ARSB: variants seen among roughly 807,000 people sequenced by gnomAD.
ARSB encodes arylsulfatase B.
A neutral mutation model predicts 50.9 loss-of-function variants in ARSB; 41 were observed. The observed-to-expected ratio is 0.81, with a 90% CI of 0.63 to 1.04. The LOEUF (loss-of-function observed/expected upper bound fraction) is 1.04, where lower values mean the gene tolerates loss of function less well. Among genes scored for constraint, ARSB ranks in the 50% least tolerant of loss-of-function variants. The pLI, the probability that ARSB is intolerant of heterozygous loss-of-function variation, is 0.00. For missense variants in ARSB, 672 were observed against 693.3 expected (o/e 0.97, Z 0.35); for synonymous variants, 269 against 284.8 (o/e 0.94, Z 0.56).
chr5:78,839,464 C>T (rs1273658457), intron 5 of ARSB, 38 bp from the exon 6 acceptor site: 1 of 1,520,584 alleles, frequency 6.6e-7, no homozygotes, highest in Non-Finnish European at 9.1e-7. Flanking sequence ...AATTTCCTCT[C>T]TCTAATGGGC....
intron 2 of ARSB, among the ~76,000 whole-genome samples, chr5:78,965,564 C>T (rs868090503): frequency 6.6e-6 from 1 of 152,190 alleles, no homozygotes; most frequent in African/African-American, 2.4e-5. Flanking sequence ...AGTGGCACAA[C>T]CTTCTGAATT....
chr5:78,879,242 T>C (rs899707551), intron 5 of ARSB, among the ~76,000 whole-genome samples: 10 of 152,232 alleles, frequency 6.6e-5, no homozygotes, highest in African/African-American at 2.4e-4. Context: ...TTTTTGTCAA[T>C]CAACCTTATG....
chr5:78,949,747 T>G lies in ARSB; in HGVS notation c.898+5548A>C, dbSNP rs1751418706. On this transcript the variant is annotated intron_variant, in intron 4 of 7. Transcript: ENST00000264914. Reference sequence around the variant, plus strand: ...CAACATGGCGAAACCTTGTCTCTCCTAAAAATACAAAAATTAGCCAGGCAT... The same window carrying G: ...CAACATGGCGAAACCTTGTCTCTCCGAAAAATACAAAAATTAGCCAGGCAT... Among the ~76,000 whole-genome samples the G allele has an allele frequency of 2.0e-5, 3 of 152,168 alleles. No homozygotes were observed. In the South Asian group the frequency reaches 6.2e-4, roughly 32 times the overall value.
intron 6 of ARSB, among the ~76,000 whole-genome samples, chr5:78,814,359 C>G (rs1743916483): frequency 6.6e-6 from 1 of 150,932 alleles, no homozygotes; most frequent in African/African-American, 2.5e-5. Flanking sequence ...ATGAAATAGT[C>G]TTAAAAGCAA....
At chr5:78,916,849 AC>A (rs60995907) in intron 4 of ARSB, among the ~76,000 whole-genome samples, 28,663 of 152,118 alleles carry the variant, frequency 0.19, 2,896 homozygotes, top group East Asian at 0.45. Flanking sequence ...TCAATGTCAA[AC>A]TTTAAATTAC....
intron 5 of ARSB, among the ~76,000 whole-genome samples, chr5:78,856,163 C>T (rs1214267918): frequency 6.6e-6 from 1 of 152,048 alleles, no homozygotes; most frequent in East Asian, 1.9e-4. Context: ...TTCAATAGTT[C>T]CAATGGAACT....
intron 4 of ARSB, among the ~76,000 whole-genome samples, chr5:78,919,960 T>C (rs951753691): frequency 3.9e-5 from 6 of 152,118 alleles, no homozygotes; most frequent in Admixed American, 1.3e-4. Context: ...CACTGGCTGG[T>C]TTGCACAGAG....
chr5:78,928,059 G>C (rs1481671945), intron 4 of ARSB, among the ~76,000 whole-genome samples: 1 of 152,172 alleles, frequency 6.6e-6, no homozygotes, highest in Non-Finnish European at 1.5e-5. Context: ...ACATGGGATG[G>C]AGGCACATCC....
At chr5:78,782,329 C>T (rs1748950498) in intron 6 of ARSB, among the ~76,000 whole-genome samples, 1 of 152,158 alleles carries the variant, frequency 6.6e-6, no homozygotes, top group African/African-American at 2.4e-5. Flanking sequence ...CATTTAAACA[C>T]ACTTTCTGTG....
At chr5:78,814,209 A>C (rs1743912186) in intron 6 of ARSB, among the ~76,000 whole-genome samples, 1 of 151,194 alleles carries the variant, frequency 6.6e-6, no homozygotes, top group African/African-American at 2.4e-5. Context: ...GCTGTTAATC[A>C]AAGACTCTGG....
chr5:78,864,447 GC>G (rs1561468376), intron 5 of ARSB, among the ~76,000 whole-genome samples: 1 of 152,084 alleles, frequency 6.6e-6, no homozygotes, highest in Non-Finnish European at 1.5e-5. Context: ...GGAGGAAACT[GC>G]CCCCATGATT....
intron 5 of ARSB, among the ~76,000 whole-genome samples, chr5:78,869,002 G>A (rs1253943548): frequency 6.6e-6 from 1 of 150,894 alleles, no homozygotes; most frequent in Non-Finnish European, 1.5e-5. Flanking sequence ...AAAAAGGCAG[G>A]GGTTGCAATC....
intron 6 of ARSB, among the ~76,000 whole-genome samples, chr5:78,837,741 A>G (rs531053997): frequency 2.6e-5 from 4 of 152,278 alleles, no homozygotes; most frequent in African/African-American, 9.6e-5. Context: ...GGATGTATAT[A>G]TTCTACTCAC....
chr5:78,931,142 G>T (rs1325316089), intron 4 of ARSB, among the ~76,000 whole-genome samples: 2 of 152,210 alleles, frequency 1.3e-5, no homozygotes, highest in Non-Finnish European at 2.9e-5. Flanking sequence ...ACACATATGT[G>T]CAGCAGTTAC....
At chr5:78,913,421 G>A (rs1300194568) in intron 4 of ARSB, among the ~76,000 whole-genome samples, 1 of 152,204 alleles carries the variant, frequency 6.6e-6, no homozygotes, top group Non-Finnish European at 1.5e-5. Context: ...CACCGCGCCC[G>A]GCTTAATTCG....
At chr5:78,936,534 GT>G (rs1409440026) in intron 4 of ARSB, among the ~76,000 whole-genome samples, 2 of 151,098 alleles carry the variant, frequency 1.3e-5, no homozygotes, top group Non-Finnish European at 2.9e-5. Flanking sequence ...AAAATGTCAA[GT>G]TGCCCTTAAC....
chr5:78,824,236 C>T (rs902066951), intron 6 of ARSB, among the ~76,000 whole-genome samples: 2 of 152,202 alleles, frequency 1.3e-5, no homozygotes. Context: ...CTCAGACATT[C>T]CTTTACAGCA....
At chr5:78,836,222 G>A (rs951878274) in intron 6 of ARSB, among the ~76,000 whole-genome samples, 1 of 152,316 alleles carries the variant, frequency 6.6e-6, no homozygotes, top group Admixed American at 6.5e-5. Flanking sequence ...TAAAAACTGG[G>A]CAGAAAAGGC....
chr5:78,785,746 C>T (rs768744661), intron 6 of ARSB, among the ~76,000 whole-genome samples: 2 of 152,190 alleles, frequency 1.3e-5, no homozygotes, highest in Non-Finnish European at 2.9e-5. Context: ...AATACATCAC[C>T]TTCCATGCCA....
Sources: allele counts gnomAD v4.1 joint callset (sites outside exome capture counted in the v4.1 genomes callset), GRCh38; gene constraint gnomAD v4.1.1; transcripts MANE v1.5; gene names NCBI Gene and HGNC (gene_info 2026-07-23, HGNC 2026-07-21).